DYRK2: variants seen among roughly 807,000 people sequenced by gnomAD.
The protein encoded by DYRK2 is dual specificity tyrosine phosphorylation regulated kinase 2, also known as dual specificity tyrosine-phosphorylation-regulated kinase 2.
DYRK2 carries 12 observed loss-of-function variants against 41.6 expected under a neutral mutation model. The ratio of observed to expected loss-of-function variants is 0.29; its 90% confidence interval spans 0.18 to 0.47. The LOEUF is 0.47. Among genes scored for constraint, DYRK2 ranks in the 20% least tolerant of loss-of-function variants. The probability of loss-of-function intolerance (pLI) is 1.00; values close to 1 mark genes in which losing one functional copy is unlikely to be tolerated. For missense variants in DYRK2, 678 were observed against 798.4 expected (o/e 0.85, Z 1.82); for synonymous variants, 322 against 315.7 (o/e 1.02, Z -0.21).
In DYRK2 at chr12:67,659,828, A is replaced by T. The variant is rs1170155086; in HGVS notation, c.*1115A>T. 6.0e-6 allele frequency: 1 copy of T among 167,112 alleles called. No homozygotes were observed. Among genetic ancestry groups the T allele is most frequent in the Non-Finnish European group, 1.5e-5 (1 of 68,124 alleles). The allele number at this position is 167,112 out of a possible 1,614,324, so 10.4% of individuals were successfully genotyped here. Reference sequence around the variant, plus strand: ...AAAATCCTCTGGACGAACAGAAGTCACTTTGGCTGTTCAGTAAGGCCAATG... The same window carrying T: ...AAAATCCTCTGGACGAACAGAAGTCTCTTTGGCTGTTCAGTAAGGCCAATG... On this transcript the variant is annotated 3_prime_UTR_variant, in exon 3 of 3. Transcript: ENST00000344096.
Position 67,649,923 on chromosome 12 carries a change from A to T in DYRK2, c.176A>T (p.Asn59Ile). ...GCCCTGCCGCCTCTCCGGGCCAGCA[A>T]CGCTGCCGCCGCAGCCCACACGGTG... is the stretch of plus-strand genomic sequence containing the variant. ...PIALPPLRAS[N>I]AAAAAHTIGG... Residue 59 changes from asparagine (N) to isoleucine (I), a missense_variant, in exon 2 of 3, where the codon AAC becomes ATC. By Grantham distance (149) the Asn-to-Ile change is moderately radical (BLOSUM62 -3). Transcript: ENST00000344096. 1.4e-6 allele frequency: 2 copies of T among 1,380,084 alleles called. No individual in the cohort carries two copies. 85.5% of individuals were successfully genotyped at this position (1,380,084 alleles called of 1,614,324 possible).
Position 67,657,009 on chromosome 12 carries a change from T to C in DYRK2, c.199-97T>C, listed in dbSNP as rs1411602769. The C allele has an allele frequency of 5.5e-6, 7 of 1,283,836 alleles. No individual in the cohort carries two copies. The highest frequency in any genetic ancestry group is 6.3e-5 in the Admixed American group (2 of 31,842). The allele number at this position is 1,283,836 out of a possible 1,614,324, so 79.5% of individuals were successfully genotyped here. The stretch of plus-strand genomic sequence containing the variant: ...CTCAAACCAAATGGGATTTTGTAAA[T>C]GTGAGGTTGGGGGCGGTGGTGTTGT... On this transcript the variant is annotated intron_variant, in intron 2 of 2. Coordinates refer to ENST00000344096, the MANE Select transcript of DYRK2 (RefSeq NM_006482.3). This position sits in a 1 kb window ranked among gnomAD's most constrained non-coding sequence, Gnocchi z 4.8.
In DYRK2 at chr12:67,657,933, C is replaced by G; in HGVS notation, c.1026C>G (p.Asn342Lys). ...AGTGCTTGGATGCTTTGCACAAAAACAGAATAATTCACTGTGACCTTAAGC... is the reference window on the plus strand; with the variant it reads ...AGTGCTTGGATGCTTTGCACAAAAAGAGAATAATTCACTGTGACCTTAAGC... ...ILQCLDALHK[N>K]RIIHCDLKPE... Residue 342 changes from asparagine to lysine, a missense_variant, in exon 3 of 3, where the codon AAC becomes AAG. Asn to Lys is a moderately conservative substitution (Grantham distance 94, BLOSUM62 0). This residue lies in a region of DYRK2 where 393 missense variants were observed against 519.1 expected (regional missense o/e 0.76). Transcript: ENST00000344096. This position sits in a 1 kb window ranked among gnomAD's most constrained non-coding sequence, Gnocchi z 4.8. 6.2e-7 allele frequency: 1 copy of G among 1,614,214 alleles called. No homozygotes were observed. The highest frequency in any genetic ancestry group is 8.5e-7 in the Non-Finnish European group (1 of 1,180,044).
chr12:67,655,983 C>G (rs1257466175), intron 2 of DYRK2, among the ~76,000 whole-genome samples: 1 of 152,178 alleles, frequency 6.6e-6, no homozygotes, highest in Non-Finnish European at 1.5e-5. Flanking sequence ...GGCAGCCAGC[C>G]TCCTGTTAAT....
chr12:67,658,822 A>G lies in DYRK2; in HGVS notation c.*109A>G. ...TTTTATTTGCTCAATAACTCTACTCATTTGTATCTTTTCAGCACTTAATTT... is the reference window on the plus strand; with the variant it reads ...TTTTATTTGCTCAATAACTCTACTCGTTTGTATCTTTTCAGCACTTAATTT... On this transcript the variant is annotated 3_prime_UTR_variant, in exon 3 of 3. Coordinates refer to ENST00000344096, the MANE Select transcript of DYRK2 (RefSeq NM_006482.3). This position sits in a 1 kb window ranked among gnomAD's most constrained non-coding sequence, Gnocchi z 4.3. 2 of 1,221,032 alleles carry G rather than the reference A, an allele frequency of 1.6e-6. No individual in the cohort carries two copies. Among genetic ancestry groups the G allele is most frequent in the Admixed American group, 2.7e-5 (1 of 37,538 alleles). The allele number at this position is 1,221,032 out of a possible 1,614,324, so 75.6% of individuals were successfully genotyped here.
Position 67,663,494 on chromosome 12 carries a change from A to G in DYRK2, c.*4781A>G, listed in dbSNP as rs570280018. 3 of 152,120 alleles carry G rather than the reference A, an allele frequency of 2.0e-5. No individual in the cohort carries two copies. Among genetic ancestry groups the G allele is most frequent in the Admixed American group, 6.5e-5 (1 of 15,270 alleles). 9.4% of individuals were successfully genotyped at this position (152,120 alleles called of 1,614,324 possible). The stretch of plus-strand genomic sequence containing the variant: ...GGATATGCTTAAACAAGGGAATGCC[A>G]TAAGAGTTCCCAATTGCCTCGTCAT... On this transcript the variant is annotated 3_prime_UTR_variant, in exon 3 of 3. Transcript: ENST00000344096.
At chr12:67,656,149 C>G (rs535349177) in intron 2 of DYRK2, among the ~76,000 whole-genome samples, 1 of 152,222 alleles carries the variant, frequency 6.6e-6, no homozygotes, top group Non-Finnish European at 1.5e-5. Flanking sequence ...TACCCCTTAC[C>G]TCTCAGCAGC....
rs1164025242 is a variant in DYRK2 at position 67,663,673 on chromosome 12, T to C, written c.*4960T>C. On this transcript the variant is annotated 3_prime_UTR_variant, in exon 3 of 3. Transcript: ENST00000344096. ...CATTATGTACAAAATTGAAAATTGG[T>C]GCTAAAGTGGCAATGTCAATTTAAA... 1 of 152,200 alleles carries C rather than the reference T, an allele frequency of 6.6e-6. No homozygotes were observed. Among genetic ancestry groups the C allele is most frequent in the Non-Finnish European group, 1.5e-5 (1 of 68,022 alleles). The allele number at this position is 152,200 out of a possible 1,614,324, so 9.4% of individuals were successfully genotyped here. A position where few individuals can be genotyped will look rare whatever the true frequency, so the allele number is the denominator to read the frequency against.
Position 67,660,779 on chromosome 12 carries a change from T to A in DYRK2, c.*2066T>A, listed in dbSNP as rs1872602097. 1 of 167,028 alleles carries A rather than the reference T, an allele frequency of 6.0e-6. No homozygotes were observed. Among genetic ancestry groups the A allele is most frequent in the Non-Finnish European group, 1.5e-5 (1 of 68,104 alleles). 10.3% of individuals were successfully genotyped at this position (167,028 alleles called of 1,614,324 possible). ...GTGGCTTTGTAAGACCACCAGCCTCTTAATGATGGTTAGCTTCTTTAGGTC... is the reference window on the plus strand; with the variant it reads ...GTGGCTTTGTAAGACCACCAGCCTCATAATGATGGTTAGCTTCTTTAGGTC... On this transcript the variant is annotated 3_prime_UTR_variant, in exon 3 of 3. Coordinates refer to ENST00000344096, the MANE Select transcript of DYRK2 (RefSeq NM_006482.3).
At chr12:67,650,563 A>G (rs1872292231) in intron 2 of DYRK2, among the ~76,000 whole-genome samples, 1 of 152,238 alleles carries the variant, frequency 6.6e-6, no homozygotes, top group Non-Finnish European at 1.5e-5. Flanking sequence ...AGGATTCTGC[A>G]GTTGGACATT....
chr12:67,657,035 TG>T lies in DYRK2; in HGVS notation c.199-66del. 2.8e-6 allele frequency: 4 copies of T among 1,443,720 alleles called. No individual in the cohort carries two copies. The highest frequency in any genetic ancestry group is 3.7e-6 in the Non-Finnish European group (4 of 1,087,196). 89.4% of individuals were successfully genotyped at this position (1,443,720 alleles called of 1,614,324 possible). On this transcript the variant is annotated intron_variant, in intron 2 of 2. Transcript: ENST00000344096. The surrounding 1 kb of genome is among the most constrained non-coding windows in gnomAD (Gnocchi z 4.8). ...GTGAGGTTGGGGGCGGTGGTGTTGT[TG>T]GGGGTTACTTATACACCATTTGAAC...
In DYRK2 at chr12:67,665,002, CTG is replaced by C. The variant is rs1872710775; in HGVS notation, c.*6291_*6292del. 1 of 152,110 alleles carries C rather than the reference CTG, an allele frequency of 6.6e-6. No individual in the cohort carries two copies. Among genetic ancestry groups the C allele is most frequent in the Non-Finnish European group, 1.5e-5 (1 of 68,014 alleles). 9.4% of individuals were successfully genotyped at this position (152,110 alleles called of 1,614,324 possible). On this transcript the variant is annotated 3_prime_UTR_variant, in exon 3 of 3. Coordinates refer to ENST00000344096, the MANE Select transcript of DYRK2 (RefSeq NM_006482.3). Reference sequence around the variant, plus strand: ...GGGATTAAAAGTTAAATTTTACTGACTGTAGCAGCAGGTAAATCTCTTAAATT... The same window carrying C: ...GGGATTAAAAGTTAAATTTTACTGACTAGCAGCAGGTAAATCTCTTAAATT...
rs573374574 is a variant in DYRK2 at position 67,658,867 on chromosome 12, A to G, written c.*154A>G. 326 of 906,980 alleles carry G rather than the reference A, an allele frequency of 3.6e-4. 2 individuals carry two copies. In the African/African-American group the frequency reaches 5.1e-3, roughly 14 times the overall value. The allele number at this position is 906,980 out of a possible 1,614,324, so 56.2% of individuals were successfully genotyped here. A position where few individuals can be genotyped will look rare whatever the true frequency, so the allele number is the denominator to read the frequency against. On this transcript the variant is annotated 3_prime_UTR_variant, in exon 3 of 3. Transcript: ENST00000344096. The surrounding 1 kb of genome is among the most constrained non-coding windows in gnomAD (Gnocchi z 4.3). Reference sequence around the variant, plus strand: ...TAATTTTAATGTAAGAAAGTTGTTCATTTTGTTTTTATAAAATACATGAGG... The same window carrying G: ...TAATTTTAATGTAAGAAAGTTGTTCGTTTTGTTTTTATAAAATACATGAGG...
rs895303460 is a variant in DYRK2 at position 67,661,410 on chromosome 12, A to T, written c.*2697A>T. On this transcript the variant is annotated 3_prime_UTR_variant, in exon 3 of 3. Coordinates refer to ENST00000344096, the MANE Select transcript of DYRK2 (RefSeq NM_006482.3). ...AGTCTCATTTGGCTCTGTTTCTTGC[A>T]CCACCAGCGTGTTCATTACCACTTA... The T allele has an allele frequency of 6.0e-6, 1 of 167,038 alleles. No individual in the cohort carries two copies. Among genetic ancestry groups the T allele is most frequent in the Non-Finnish European group, 1.5e-5 (1 of 68,104 alleles). 10.3% of individuals were successfully genotyped at this position (167,038 alleles called of 1,614,324 possible). A position where few individuals can be genotyped will look rare whatever the true frequency, so the allele number is the denominator to read the frequency against.
chr12:67,649,178 G>T lies in DYRK2; in HGVS notation c.45G>T (p.Pro15=), dbSNP rs763594300. The change falls in exon 1 of 3, where the codon CCG becomes CCT. Residue 15 remains proline, a synonymous_variant. Transcript: ENST00000344096. ...KPSAAAPAAY[P]TGRGGDSAVR... ...CGGCCGCCGCTCCCGCCGCCTACCC[G>T]ACCGGTAAGGAGGCCGTGCCGCCGC... 1.3e-6 allele frequency: 2 copies of T among 1,508,992 alleles called. No individual in the cohort carries two copies. Among genetic ancestry groups the T allele is most frequent in the South Asian group, 1.2e-5 (1 of 81,242 alleles). The allele number at this position is 1,508,992 out of a possible 1,614,324, so 93.5% of individuals were successfully genotyped here. A position where few individuals can be genotyped will look rare whatever the true frequency, so the allele number is the denominator to read the frequency against.
Position 67,661,816 on chromosome 12 carries a change from A to C in DYRK2, c.*3103A>C, listed in dbSNP as rs965259799. The C allele has an allele frequency of 6.0e-6, 1 of 166,740 alleles. No homozygotes were observed. Among genetic ancestry groups the C allele is most frequent in the African/African-American group, 2.4e-5 (1 of 41,406 alleles). The allele number at this position is 166,740 out of a possible 1,614,324, so 10.3% of individuals were successfully genotyped here. A position where few individuals can be genotyped will look rare whatever the true frequency, so the allele number is the denominator to read the frequency against. On this transcript the variant is annotated 3_prime_UTR_variant, in exon 3 of 3. Coordinates refer to ENST00000344096, the MANE Select transcript of DYRK2 (RefSeq NM_006482.3). ...TTTACATTTTTTTTTTGTTATGCTAACACTAGACAAAAATCAACTGTATTT... is the reference window on the plus strand; with the variant it reads ...TTTACATTTTTTTTTTGTTATGCTACCACTAGACAAAAATCAACTGTATTT...
Position 67,658,609 on chromosome 12 carries a change from C to T in DYRK2, c.1702C>T (p.Pro568Ser), listed in dbSNP as rs373302349. 17 of 1,614,146 alleles carry T rather than the reference C, an allele frequency of 1.1e-5. No homozygotes were observed. Among genetic ancestry groups the T allele is most frequent in the Non-Finnish European group, 1.4e-5 (17 of 1,180,036 alleles). The change falls in exon 3 of 3, where the codon CCA becomes TCA. Residue 568 changes from proline (P) to serine (S), a missense_variant. By Grantham distance (74) the Pro-to-Ser change is moderately conservative. This residue lies in a region of DYRK2 where 393 missense variants were observed against 519.1 expected (regional missense o/e 0.76). Coordinates refer to ENST00000344096, the MANE Select transcript of DYRK2 (RefSeq NM_006482.3). This position sits in a 1 kb window ranked among gnomAD's most constrained non-coding sequence, Gnocchi z 4.3. Reference sequence around the variant, plus strand: ...TATCACATCTATATCCAAGTTACCTCCACCTTCTAGCTCAGCTTCCAAACT... The same window carrying T: ...TATCACATCTATATCCAAGTTACCTTCACCTTCTAGCTCAGCTTCCAAACT... ...GAITSISKLPPPSSSASKLRT... is the reference protein window; with the variant it reads ...GAITSISKLPSPSSSASKLRT...
Position 67,657,780 on chromosome 12 carries a change from C to T in DYRK2, c.873C>T (p.Phe291=). The part of the protein sequence containing the change: ...TMNVIHMLEN[F]TFRNHICMTF... ...ATGTCATCCATATGCTGGAGAATTT[C>T]ACCTTCCGCAACCACATCTGCATGA... The change falls in exon 3 of 3, where the codon TTC becomes TTT. Residue 291 remains phenylalanine, a synonymous_variant. Transcript: ENST00000344096. The surrounding 1 kb of genome is among the most constrained non-coding windows in gnomAD (Gnocchi z 4.8). The T allele has an allele frequency of 6.2e-7, 1 of 1,614,256 alleles. No individual in the cohort carries two copies.
In DYRK2 at chr12:67,657,806, C is replaced by T. The variant is rs575789813; in HGVS notation, c.899C>T (p.Thr300Met). ...NFTFRNHICM[T>M]FELLSMNLYE... ...ACCTTCCGCAACCACATCTGCATGA[C>T]GTTTGAGCTGCTGAGCATGAACCTC... The change falls in exon 3 of 3, where the codon ACG (threonine) becomes ATG (methionine). Residue 300 changes from threonine to methionine, a missense_variant. Physicochemically the swap from Thr to Met is moderately conservative, Grantham distance 81. Around this residue, in one of 2 missense-constraint regions of DYRK2, gnomAD observed 393 missense variants for 519.1 expected, o/e 0.76. Transcript: ENST00000344096. The surrounding 1 kb of genome is among the most constrained non-coding windows in gnomAD (Gnocchi z 4.8). 3 of 1,614,216 alleles carry T rather than the reference C, an allele frequency of 1.9e-6. No individual in the cohort carries two copies. The highest frequency in any genetic ancestry group is 1.3e-5 in the African/African-American group (1 of 75,050).
Sources: allele counts gnomAD v4.1 joint callset (sites outside exome capture counted in the v4.1 genomes callset), GRCh38; gene constraint gnomAD v4.1.1; regional missense constraint gnomAD v4.1.1; non-coding constraint Gnocchi (gnomAD v3.1); transcripts MANE v1.5; gene names NCBI Gene and HGNC (gene_info 2026-07-23, HGNC 2026-07-21).